The following FAT3 variants were observed in gnomAD, a reference collection of about 807,000 sequenced individuals.
The protein encoded by FAT3 is FAT atypical cadherin 3, also known as protocadherin Fat 3.
FAT3 carries 95 observed loss-of-function variants against 310.2 expected under a neutral mutation model. The observed-to-expected ratio is 0.31, with a 90% CI of 0.26 to 0.36. FAT3 has a LOEUF of 0.36. FAT3 is among the 10% of genes least tolerant of loss of function. FAT3 has a pLI of 1.00. For missense variants in FAT3, 5,408 were observed against 5,715.6 expected (o/e 0.95, Z 1.74); for synonymous variants, 2,314 against 2,192.9 (o/e 1.06, Z -1.54).
At chr11:92,727,482 G>A (rs1331504311) in intron 4 of FAT3, among the ~76,000 whole-genome samples, 1 of 152,038 alleles carries the variant, frequency 6.6e-6, no homozygotes, top group East Asian at 1.9e-4. Flanking sequence ...GTGTCTGAGA[G>A]GAAGACCTGG....
intron 1 of FAT3, among the ~76,000 whole-genome samples, chr11:92,324,175 T>C (rs1273666009): frequency 6.6e-6 from 1 of 152,232 alleles, no homozygotes; most frequent in African/African-American, 2.4e-5. Flanking sequence ...TAAGGCTGTT[T>C]TGCTTTCTTA....
intron 1 of FAT3, among the ~76,000 whole-genome samples, chr11:92,226,047 A>C (rs1320202888): frequency 6.6e-6 from 1 of 151,990 alleles, no homozygotes; most frequent in Admixed American, 6.5e-5. Flanking sequence ...CTCAGGCCCC[A>C]CTCCCGGGCG....
At chr11:92,371,822 A>G (rs78407545) in intron 2 of FAT3, among the ~76,000 whole-genome samples, 9,946 of 152,230 alleles carry the variant, frequency 0.065, 1,079 homozygotes, top group African/African-American at 0.22. Context: ...TGAAGTTGGG[A>G]TCATTGTCAA....
chr11:92,355,194 G>C lies in FAT3; in HGVS notation c.3082G>C (p.Glu1028Gln). The C allele has an allele frequency of 3.7e-6, 6 of 1,613,780 alleles. No homozygotes were observed. Among genetic ancestry groups the C allele is most frequent in the Non-Finnish European group, 5.1e-6 (6 of 1,179,834 alleles). Residue 1028 changes from glutamate (E) to glutamine (Q), a missense_variant, in exon 2 of 28, where the codon GAG becomes CAG. Physicochemically the swap from Glu to Gln is conservative, Grantham distance 29 (BLOSUM62 2). This residue lies in a region of FAT3 where 4,588 missense variants were observed against 4,809.8 expected (regional missense o/e 0.95). Coordinates refer to ENST00000525166, the MANE Select transcript of FAT3 (RefSeq NM_001367949.2). The stretch of plus-strand genomic sequence containing the variant: ...CTCTCTGTCATCTGTTTCCTTTGTT[G>C]AGGTGGAAGTGGTGGATGTCAATGA... ...PVSLSSVSFV[E>Q]VEVVDVNENL...
chr11:92,553,695 T>C (rs551071), intron 3 of FAT3, among the ~76,000 whole-genome samples: 57,898 of 149,146 alleles, frequency 0.39, 11,962 homozygotes, highest in Middle Eastern at 0.52. Context: ...CTTCCTTCCT[T>C]CCTTCCTTCC....
chr11:92,812,390 G>C (rs1030237160), intron 13 of FAT3, among the ~76,000 whole-genome samples: 1 of 151,970 alleles, frequency 6.6e-6, no homozygotes, highest in Non-Finnish European at 1.5e-5. Context: ...TGACCAGCCC[G>C]GCCAATATGG....
At chr11:92,709,214 T>G (rs2135943519) in intron 4 of FAT3, among the ~76,000 whole-genome samples, 1 of 152,362 alleles carries the variant, frequency 6.6e-6, no homozygotes, top group South Asian at 2.1e-4. Flanking sequence ...TGTTTATTTG[T>G]TAATGCAGTC....
rs75699183 is a variant in FAT3, at chr11:92,731,646, G to T, written c.3670-30210G>T. Reference sequence around the variant, plus strand: ...ATCTAAAGTCTAGGATAATGATAGTGTCTTACTCTCTGGTGGCTGAAGGAT... The same window carrying T: ...ATCTAAAGTCTAGGATAATGATAGTTTCTTACTCTCTGGTGGCTGAAGGAT... On this transcript the variant is annotated intron_variant, in intron 4 of 27. Transcript: ENST00000525166. Among the ~76,000 whole-genome samples the T allele has an allele frequency of 7.2e-5, 11 of 151,766 alleles. No individual in the cohort carries two copies. The East Asian group carries it at 1.2e-3, about 16-fold the overall frequency.
At chr11:92,460,723 C>T (rs1346969846) in intron 2 of FAT3, among the ~76,000 whole-genome samples, 1 of 152,174 alleles carries the variant, frequency 6.6e-6, no homozygotes, top group East Asian at 1.9e-4. Context: ...CCTGCAGAAA[C>T]ATACTCACAT....
At chr11:92,478,995 T>TTCTTTTCTTTTC (rs767347432) in intron 2 of FAT3, among the ~76,000 whole-genome samples, 1 of 146,456 alleles carries the variant, frequency 6.8e-6, no homozygotes, top group African/African-American at 2.5e-5. Context: ...TTCTTTTCTT[T>TTCTTTTCTTTTC]GTTGTTGTTT....
At chr11:92,299,806 C>T (rs569081369) in intron 1 of FAT3, among the ~76,000 whole-genome samples, 2 of 152,064 alleles carry the variant, frequency 1.3e-5, no homozygotes, top group Non-Finnish European at 2.9e-5. Context: ...ATAGGTTTTG[C>T]AAAAGAAGCT....
Position 92,798,451 on chromosome 11 carries a change from A to T in FAT3, c.5438A>T (p.Tyr1813Phe). ...ADSNRNALLVYQIVESTAKKF... is the reference protein window; with the variant it reads ...ADSNRNALLVFQIVESTAKKF... The stretch of plus-strand genomic sequence containing the variant: ...AGCAACCGGAATGCTCTGCTTGTGT[A>T]TCAGATTGTGGAGTCAACAGCAAAA... Residue 1813 changes from tyrosine to phenylalanine, a missense_variant, in exon 10 of 28, where the codon TAT (tyrosine) becomes TTT (phenylalanine). By Grantham distance (22) the Tyr-to-Phe change is conservative (BLOSUM62 3). Around this residue, in one of 5 missense-constraint regions of FAT3, gnomAD observed 4,588 missense variants for 4,809.8 expected, o/e 0.95. Coordinates refer to ENST00000525166, the MANE Select transcript of FAT3 (RefSeq NM_001367949.2). The T allele has an allele frequency of 6.2e-7, 1 of 1,613,542 alleles. No individual in the cohort carries two copies. The highest frequency in any genetic ancestry group is 8.5e-7 in the Non-Finnish European group (1 of 1,179,822).
At chr11:92,271,796 T>TGGG (rs1946130306) in intron 1 of FAT3, among the ~76,000 whole-genome samples, 2 of 152,320 alleles carry the variant, frequency 1.3e-5, no homozygotes, top group Admixed American at 1.3e-4. Context: ...GAAGAAGCTA[T>TGGG]GCTGCCAGAT....
rs76610012 is a variant in FAT3, at chr11:92,839,692, A to G, written c.10369-870A>G. 6.6e-3 allele frequency among the ~76,000 whole-genome samples: 1,007 copies of G among 152,282 alleles called. 12 individuals carry two copies. The highest frequency in any genetic ancestry group is 0.023 in the African/African-American group (967 of 41,556). ...TAATCCTTAGGTCGATGGCATCAGG[A>G]GGCCTGAGCTGATACAACTGATTTC... On this transcript the variant is annotated intron_variant, in intron 17 of 27. Coordinates refer to ENST00000525166, the MANE Select transcript of FAT3 (RefSeq NM_001367949.2).
At chr11:92,630,712 C>T (rs892359928) in intron 3 of FAT3, among the ~76,000 whole-genome samples, 3 of 152,216 alleles carry the variant, frequency 2.0e-5, no homozygotes, top group South Asian at 2.1e-4. Context: ...TGTGTTTTCT[C>T]CTCTGTGTCT....
chr11:92,506,730 G>C (rs1352944518), intron 2 of FAT3, among the ~76,000 whole-genome samples: 2 of 152,098 alleles, frequency 1.3e-5, no homozygotes, highest in African/African-American at 4.8e-5. Context: ...AAATTATCAT[G>C]ATTTTTCTTC....
intron 7 of FAT3, among the ~76,000 whole-genome samples, chr11:92,785,817 A>G (rs1946876812): frequency 6.6e-6 from 1 of 152,198 alleles, no homozygotes; most frequent in South Asian, 2.1e-4. Context: ...AATACTATCC[A>G]GTTTCTATCA....
Position 92,800,445 on chromosome 11 carries a change from A to G in FAT3, c.7432A>G (p.Ser2478Gly). The G allele has an allele frequency of 3.7e-6, 6 of 1,614,008 alleles. No individual in the cohort carries two copies. The highest frequency in any genetic ancestry group is 5.1e-6 in the Non-Finnish European group (6 of 1,179,882). ...GTCTGTCTCTGATGGGTTGTTCACC[A>G]GCACTGCACAGGTGCATATTAGGGT... ...NVSVSDGLFTSTAQVHIRVLG... is the reference protein window; with the variant it reads ...NVSVSDGLFTGTAQVHIRVLG... Residue 2478 changes from serine to glycine, a missense_variant, in exon 10 of 28, where the codon AGC (serine) becomes GGC (glycine). By Grantham distance (56) the Ser-to-Gly change is moderately conservative. This residue lies in a region of FAT3 where 4,588 missense variants were observed against 4,809.8 expected (regional missense o/e 0.95). Transcript: ENST00000525166.
At position 92,552,580 on chromosome 11, in the gene FAT3, G is replaced by C. The variant is rs117935469; in HGVS notation, c.3607+27632G>C. Among the ~76,000 whole-genome samples, 8 of 152,166 alleles carry C rather than the reference G, an allele frequency of 5.3e-5. No individual in the cohort carries two copies. In the South Asian group the frequency reaches 1.7e-3, roughly 32 times the overall value. On this transcript the variant is annotated intron_variant, in intron 3 of 27. Transcript: ENST00000525166. ...GGGAAAGATGAAAATGAGTTCATAT[G>C]GTAAAATGAGTTATGATTTTTAGAT...
Sources: gnomAD v4.1 joint callset for allele counts (sites outside exome capture counted in the v4.1 genomes callset) on GRCh38, gnomAD v4.1.1 for gene constraint, gnomAD v4.1.1 regional missense constraint, MANE v1.5 for transcripts, NCBI Gene and HGNC (gene_info 2026-07-23, HGNC 2026-07-21) for gene names.